The following SYT16 variants were observed in gnomAD, a reference collection of about 807,000 sequenced individuals.
SYT16 encodes the protein synaptotagmin-16.
In SYT16, 42 loss-of-function variants were observed where a neutral mutation model predicts 61.4. The observed-to-expected ratio is 0.68, with a 90% confidence interval of 0.53 to 0.89. SYT16 has a LOEUF of 0.89. Among genes scored for constraint, SYT16 ranks in the 40% least tolerant of loss-of-function variants. SYT16 has a pLI of 0.00. For missense variants in SYT16, 804 were observed against 807.3 expected, an observed-to-expected ratio of 1.00 and a Z score of 0.05; for synonymous variants, 314 against 302.3, an observed-to-expected ratio of 1.04 and a Z score of -0.40.
Position 61,996,439 on chromosome 14 carries a change from T to G in SYT16, c.420T>G (p.Ile140Met). Residue 140 changes from isoleucine to methionine, a missense_variant, in exon 3 of 8, where the codon ATT becomes ATG. Ile to Met is a conservative substitution (Grantham distance 10). Transcript: ENST00000683842. ...AGTTACCACATGTGCTTTCTTCTAT[T>G]GCGGAGGAAGAGCATCACCTTGAAA... ...DRKLPHVLSS[I>M]AEEEHHLEKQ... is the part of the protein sequence containing the mutation. The G allele has an allele frequency of 6.2e-7, 1 of 1,613,480 alleles. No individual in the cohort carries two copies. The highest frequency in any genetic ancestry group is 8.5e-7 in the Non-Finnish European group (1 of 1,179,556).
intron 2 of SYT16, among the ~76,000 whole-genome samples, chr14:61,974,855 A>G (rs1342970833): frequency 6.6e-6 from 1 of 152,212 alleles, no homozygotes; most frequent in Admixed American, 6.5e-5. Context: ...GATGGTTGCT[A>G]AAATGTGACA....
chr14:61,927,532 A>T (rs759204302), intron 1 of SYT16, among the ~76,000 whole-genome samples: 1 of 152,248 alleles, frequency 6.6e-6, no homozygotes, highest in Non-Finnish European at 1.5e-5. Context: ...CAAATTTATC[A>T]GGATGATAAT....
chr14:61,964,987 C>T (rs947137243), intron 1 of SYT16, among the ~76,000 whole-genome samples: 1 of 151,742 alleles, frequency 6.6e-6, no homozygotes, highest in Admixed American at 6.6e-5. Flanking sequence ...TAAGAAACTA[C>T]AGTATAGTGT....
At chr14:61,931,463 G>T (rs2049763612) in intron 1 of SYT16, among the ~76,000 whole-genome samples, 1 of 152,110 alleles carries the variant, frequency 6.6e-6, no homozygotes, top group Admixed American at 6.6e-5. Flanking sequence ...AAGACACTCA[G>T]AGATGATTAT....
At chr14:61,813,396 C>CT (rs2045328853) in intron 1 of SYT16, among the ~76,000 whole-genome samples, 1 of 152,232 alleles carries the variant, frequency 6.6e-6, no homozygotes. Flanking sequence ...GGTTGGCCTG[C>CT]TTTTGGCATC....
chr14:61,858,068 A>C (rs2046831179), intron 1 of SYT16, among the ~76,000 whole-genome samples: 1 of 145,458 alleles, frequency 6.9e-6, no homozygotes, highest in Non-Finnish European at 1.5e-5. Context: ...TCACAGTGTA[A>C]GCATGTACTA....
chr14:62,083,732 T>C (rs2056790346), intron 6 of SYT16, among the ~76,000 whole-genome samples: 1 of 152,182 alleles, frequency 6.6e-6, no homozygotes, highest in Non-Finnish European at 1.5e-5. Flanking sequence ...AGTGGTCATT[T>C]CTTTTATAGT....
chr14:62,055,400 A>C (rs1457154003), intron 3 of SYT16, among the ~76,000 whole-genome samples: 1 of 152,210 alleles, frequency 6.6e-6, no homozygotes, highest in Non-Finnish European at 1.5e-5. Context: ...ATCAAAGCCA[A>C]ATGTTCAGAA....
At chr14:61,900,026 G>A (rs1259803472) in intron 1 of SYT16, among the ~76,000 whole-genome samples, 1 of 152,128 alleles carries the variant, frequency 6.6e-6, no homozygotes, top group South Asian at 2.1e-4. Context: ...GTTGAATATG[G>A]GATATATTAA....
intron 1 of SYT16, among the ~76,000 whole-genome samples, chr14:61,937,880 A>C (rs1434679310): frequency 6.6e-6 from 1 of 152,192 alleles, no homozygotes; most frequent in Non-Finnish European, 1.5e-5. Flanking sequence ...TCAATCACAC[A>C]TATTGACAGA....
chr14:61,995,557 A>T (rs1048320767), intron 2 of SYT16, among the ~76,000 whole-genome samples: 3 of 152,060 alleles, frequency 2.0e-5, no homozygotes, highest in African/African-American at 7.2e-5. Context: ...TTGAAATGTC[A>T]TGCCCAATTG....
intron 1 of SYT16, among the ~76,000 whole-genome samples, chr14:61,873,871 A>G (rs368740741): frequency 1.3e-5 from 2 of 152,290 alleles, no homozygotes; most frequent in Admixed American, 6.5e-5. Flanking sequence ...AGGTATTAAA[A>G]CGGGATGGTG....
chr14:62,024,649 C>T (rs1188496604), intron 3 of SYT16, among the ~76,000 whole-genome samples: 1 of 152,004 alleles, frequency 6.6e-6, no homozygotes. Context: ...CACCCAAAGT[C>T]TAGAGTTTAT....
chr14:62,033,099 A>G (rs1324683226), intron 3 of SYT16, among the ~76,000 whole-genome samples: 2 of 152,146 alleles, frequency 1.3e-5, no homozygotes, highest in Non-Finnish European at 2.9e-5. Flanking sequence ...TTCAGAAAAA[A>G]TACAATATAG....
intron 1 of SYT16, among the ~76,000 whole-genome samples, chr14:61,882,367 C>A (rs1172832738): frequency 6.6e-6 from 1 of 152,174 alleles, no homozygotes; most frequent in African/African-American, 2.4e-5. Context: ...ATACCCAAGA[C>A]TTCTTCACAG....
At chr14:61,885,946 G>A (rs962517982) in intron 1 of SYT16, among the ~76,000 whole-genome samples, 6 of 151,734 alleles carry the variant, frequency 4.0e-5, no homozygotes, top group Non-Finnish European at 5.9e-5. Flanking sequence ...GTTATTGAAG[G>A]TTGAGGAGGC....
chr14:61,958,160 G>A (rs1485083410), intron 1 of SYT16, among the ~76,000 whole-genome samples: 2 of 151,120 alleles, frequency 1.3e-5, no homozygotes, highest in Non-Finnish European at 3.0e-5. Context: ...CTGATTTTGA[G>A]TTCCCTTTTT....
chr14:62,043,875 G>A (rs1196736682), intron 3 of SYT16, among the ~76,000 whole-genome samples: 1 of 151,244 alleles, frequency 6.6e-6, no homozygotes, highest in Non-Finnish European at 1.5e-5. Context: ...ATCTTGCTAT[G>A]TTACTGAGGC....
rs1327135519 is a variant in SYT16 at position 62,107,358 on chromosome 14, G to A, written c.*6651G>A. The A allele has an allele frequency of 6.6e-6, 1 of 152,126 alleles. No homozygotes were observed. The highest frequency in any genetic ancestry group is 2.1e-4 in the South Asian group (1 of 4,814). The allele number at this position is 152,126 out of a possible 1,614,324, so 9.4% of individuals were successfully genotyped here. On this transcript the variant is annotated 3_prime_UTR_variant, in exon 8 of 8. Coordinates refer to ENST00000683842, the MANE Select transcript of SYT16 (RefSeq NM_001367656.1). The stretch of plus-strand genomic sequence containing the variant: ...TGAGGTGGGAGGATTGCTTGAACCT[G>A]TGAGGTCAAGGCTGCAGTGAGCCGG...
Sources: gnomAD v4.1 joint callset for allele counts (sites outside exome capture counted in the v4.1 genomes callset) on GRCh38, gnomAD v4.1.1 for gene constraint, MANE v1.5 for transcripts, NCBI Gene and HGNC (gene_info 2026-07-23, HGNC 2026-07-21) for gene names.